The following SRGAP1 variants were observed in gnomAD, a reference collection of about 807,000 sequenced individuals.
SRGAP1 encodes SLIT-ROBO Rho GTPase activating protein 1.
SRGAP1 carries 43 observed loss-of-function variants against 121.9 expected under a neutral mutation model. The ratio of observed to expected loss-of-function variants is 0.35; its 90% CI spans 0.28 to 0.46. The LOEUF (loss-of-function observed/expected upper bound fraction) is 0.46, where lower values mean the gene tolerates loss of function less well. Ranked by LOEUF, SRGAP1 falls within the 20% of genes least tolerant of loss-of-function variation. The pLI is 1.00. For synonymous variants in SRGAP1, 447 were observed against 485.4 expected (o/e 0.92, Z 1.04); for missense variants, 1,102 against 1,350.9 (o/e 0.82, Z 2.89).
chr12:64,008,509 A>G (rs946176639), intron 3 of SRGAP1, among the ~76,000 whole-genome samples: 1 of 152,150 alleles, frequency 6.6e-6, no homozygotes, highest in Non-Finnish European at 1.5e-5. Flanking sequence ...TAAATTTTTA[A>G]AGATCAATTA....
intron 1 of SRGAP1, among the ~76,000 whole-genome samples, chr12:63,930,855 A>G (rs952373833): frequency 5.3e-5 from 8 of 152,354 alleles, no homozygotes; most frequent in Non-Finnish European, 1.0e-4. Context: ...TTACATTAAA[A>G]GATGAATATG....
chr12:64,045,165 CTTTT>C (rs1463348760), intron 6 of SRGAP1, among the ~76,000 whole-genome samples: 5 of 151,720 alleles, frequency 3.3e-5, no homozygotes, highest in Non-Finnish European at 7.4e-5. Context: ...AATGCAGAAC[CTTTT>C]TGTGTTGTTT....
chr12:63,993,845 G>T (rs1205302950), intron 3 of SRGAP1, among the ~76,000 whole-genome samples: 1 of 147,114 alleles, frequency 6.8e-6, no homozygotes, highest in Non-Finnish European at 1.5e-5. Flanking sequence ...AAACTCAAAA[G>T]TTTTCAACAG....
At chr12:63,895,877 G>A (rs1900738038) in intron 1 of SRGAP1, among the ~76,000 whole-genome samples, 2 of 152,150 alleles carry the variant, frequency 1.3e-5, no homozygotes, top group South Asian at 4.2e-4. Context: ...TTTGCTCTGT[G>A]GGAGCATTCT....
At chr12:63,942,454 T>C (rs2031902510) in intron 1 of SRGAP1, among the ~76,000 whole-genome samples, 1 of 152,200 alleles carries the variant, frequency 6.6e-6, no homozygotes, top group Non-Finnish European at 1.5e-5. Flanking sequence ...GTACACTTTG[T>C]TAGGTAGGAT....
intron 1 of SRGAP1, among the ~76,000 whole-genome samples, chr12:63,924,542 A>G (rs1412692254): frequency 3.9e-5 from 6 of 152,234 alleles, no homozygotes; most frequent in Admixed American, 3.9e-4. Flanking sequence ...AGTTTACTAT[A>G]TGGTTTTCAA....
intron 12 of SRGAP1, among the ~76,000 whole-genome samples, chr12:64,093,835 A>G (rs1490381653): frequency 6.6e-6 from 1 of 152,188 alleles, no homozygotes; most frequent in Non-Finnish European, 1.5e-5. Context: ...CTAAAATAAG[A>G]CAATTCCTTA....
intron 3 of SRGAP1, among the ~76,000 whole-genome samples, chr12:63,997,582 A>G (rs1165089308): frequency 6.6e-6 from 1 of 152,130 alleles, no homozygotes; most frequent in African/African-American, 2.4e-5. Flanking sequence ...GCTTATCTGT[A>G]GTTTCTGATT....
At chr12:63,920,328 G>A (rs1203453995) in intron 1 of SRGAP1, among the ~76,000 whole-genome samples, 1 of 152,136 alleles carries the variant, frequency 6.6e-6, no homozygotes, top group African/African-American at 2.4e-5. Flanking sequence ...CTGATGGGTG[G>A]AATGTTCCAA....
intron 8 of SRGAP1, among the ~76,000 whole-genome samples, chr12:64,068,518 A>G (rs1465483144): frequency 4.0e-5 from 6 of 150,614 alleles, no homozygotes; most frequent in African/African-American, 1.5e-4. Context: ...TATTTTTCAT[A>G]GAGACAGGGT....
intron 3 of SRGAP1, among the ~76,000 whole-genome samples, chr12:64,011,458 G>A (rs1007125811): frequency 1.3e-5 from 2 of 152,112 alleles, no homozygotes; most frequent in African/African-American, 4.8e-5. Context: ...CATGTATCAG[G>A]AGTCTTAAAA....
At chr12:63,967,685 T>G (rs2032828315) in intron 1 of SRGAP1, among the ~76,000 whole-genome samples, 1 of 152,200 alleles carries the variant, frequency 6.6e-6, no homozygotes, top group Admixed American at 6.5e-5. Flanking sequence ...GCCTTGTTGT[T>G]AAGTGTGAGA....
intron 15 of SRGAP1, among the ~76,000 whole-genome samples, chr12:64,101,789 T>C (rs1023353007): frequency 1.3e-5 from 2 of 152,204 alleles, no homozygotes; most frequent in African/African-American, 4.8e-5. Flanking sequence ...CATGTTTTTT[T>C]TTCTGACTGC....
At position 63,917,365 on chromosome 12, in the gene SRGAP1, A is replaced by G. The variant is rs1010948013; in HGVS notation, c.68-66582A>G. ...AGAAAGACCTAGGGCTCTCTAAGAC[A>G]GTATGGTCCATTAGAGGTATGGATG... is the stretch of plus-strand genomic sequence containing the variant. On this transcript the variant is annotated intron_variant, in intron 1 of 21. Transcript: ENST00000355086. Among the ~76,000 whole-genome samples, 4 of 152,326 alleles carry G rather than the reference A, an allele frequency of 2.6e-5. No homozygotes were observed. The East Asian group carries it at 5.8e-4, about 22-fold the overall frequency.
chr12:64,063,931 GT>G (rs1022253579), intron 7 of SRGAP1, among the ~76,000 whole-genome samples: 1 of 151,172 alleles, frequency 6.6e-6, no homozygotes, highest in African/African-American at 2.4e-5. Flanking sequence ...ATATATACAT[GT>G]TTTTATATAT....
At chr12:63,919,496 T>TTAAATATA in intron 1 of SRGAP1, among the ~76,000 whole-genome samples, 1 of 109,300 alleles carries the variant, frequency 9.1e-6, no homozygotes, top group African/African-American at 4.7e-5. Context: ...TAACTTAACA[T>TTAAATATA]TACATATATA....
intron 1 of SRGAP1, among the ~76,000 whole-genome samples, chr12:63,982,069 C>T (rs2033268744): frequency 6.6e-6 from 1 of 151,968 alleles, no homozygotes; most frequent in African/African-American, 2.4e-5. Flanking sequence ...AAAAATTAGC[C>T]AGGCATGGTG....
intron 1 of SRGAP1, among the ~76,000 whole-genome samples, chr12:63,930,543 A>G (rs2031440585): frequency 6.6e-6 from 1 of 152,184 alleles, no homozygotes; most frequent in African/African-American, 2.4e-5. Flanking sequence ...TCAAAGCTCT[A>G]TAAATGTTAG....
At chr12:64,092,266 C>T (rs2036066198) in intron 12 of SRGAP1, among the ~76,000 whole-genome samples, 1 of 152,062 alleles carries the variant, frequency 6.6e-6, no homozygotes, top group Non-Finnish European at 1.5e-5. Context: ...AAGAAAAGGG[C>T]TTGCTTTCTC....
Sources: gnomAD v4.1 joint callset for allele counts (sites outside exome capture counted in the v4.1 genomes callset) on GRCh38, gnomAD v4.1.1 for gene constraint, MANE v1.5 for transcripts, NCBI Gene and HGNC (gene_info 2026-07-23, HGNC 2026-07-21) for gene names.